Variants in LIN7A observed in about 807,000 individuals in gnomAD.
The protein encoded by LIN7A is lin-7 cell polarity scaffold A.
LIN7A carries 25 observed loss-of-function variants against 29.8 expected under a neutral mutation model. That is an observed-to-expected ratio of 0.84 (90% CI 0.61 to 1.17). LIN7A has a LOEUF of 1.17. LIN7A is among the 50% of genes most tolerant of loss of function. The pLI, the probability that LIN7A is intolerant of heterozygous loss-of-function variation, is 0.00. For synonymous variants in LIN7A, 118 were observed against 107.5 expected, an observed-to-expected ratio of 1.10 and a Z score of -0.60; for missense variants, 239 against 287.0, an observed-to-expected ratio of 0.83 and a Z score of 1.21.
chr12:80,895,517 C>T (rs986673327), intron 1 of LIN7A, among the ~76,000 whole-genome samples: 1 of 152,182 alleles, frequency 6.6e-6, no homozygotes, highest in Non-Finnish European at 1.5e-5. Flanking sequence ...GTTGAGCACT[C>T]AAGCTAACAA....
chr12:80,889,124 T>G, intron 2 of LIN7A, 127 bp downstream of exon 2: 1 of 682,704 alleles, frequency 1.5e-6, no homozygotes, highest in Non-Finnish European at 2.6e-6. Context: ...TCTGTCCAAG[T>G]AGCTAAAAAC....
At chr12:80,907,508 G>T (rs1194348906) in intron 1 of LIN7A, among the ~76,000 whole-genome samples, 1 of 152,088 alleles carries the variant, frequency 6.6e-6, no homozygotes, top group Non-Finnish European at 1.5e-5. Context: ...TGAAATTTTT[G>T]AAATTTGTTT....
intron 1 of LIN7A, among the ~76,000 whole-genome samples, chr12:80,931,696 A>C (rs575697245): frequency 2.2e-4 from 33 of 152,280 alleles, no homozygotes; most frequent in Non-Finnish European, 4.6e-4. Context: ...ATATAGTGTG[A>C]AAGGAAACAC....
intron 1 of LIN7A, among the ~76,000 whole-genome samples, chr12:80,896,164 T>C (rs1875882784): frequency 6.6e-6 from 1 of 152,130 alleles, no homozygotes; most frequent in African/African-American, 2.4e-5. Flanking sequence ...ACTGGAAATG[T>C]CAGCCATGTA....
At chr12:80,874,723 C>T (rs1389280649) in intron 2 of LIN7A, among the ~76,000 whole-genome samples, 1 of 152,158 alleles carries the variant, frequency 6.6e-6, no homozygotes, top group African/African-American at 2.4e-5. Context: ...GTGGCTCACG[C>T]CTGTAATCCC....
intron 4 of LIN7A, among the ~76,000 whole-genome samples, chr12:80,841,347 GGAAGGAA>G (rs1872800480): frequency 2.0e-3 from 3 of 1,514 alleles, no homozygotes; most frequent in Admixed American, 8.2e-3. Context: ...AGGGAGGGAA[GGAAGGAA>G]GGAAGGAAGG....
intron 1 of LIN7A, among the ~76,000 whole-genome samples, chr12:80,899,698 C>T (rs1372838916): frequency 6.6e-6 from 1 of 151,280 alleles, no homozygotes; most frequent in African/African-American, 2.4e-5. Flanking sequence ...CAGTTTCTTC[C>T]TGGCTCAATC....
rs1340913413 is a variant in LIN7A, at chr12:80,865,752, G to A, written c.202-17430C>T. On this transcript the variant is annotated intron_variant, in intron 2 of 5. Coordinates refer to ENST00000552864, the MANE Select transcript of LIN7A (RefSeq NM_004664.4). ...AGACATTGCTATGTGATCTGGAGAGGTAGATGATGATAAGTTCCCTTCCTC... is the reference window on the plus strand; with the variant it reads ...AGACATTGCTATGTGATCTGGAGAGATAGATGATGATAAGTTCCCTTCCTC... 3.9e-5 allele frequency among the ~76,000 whole-genome samples: 6 copies of A among 152,172 alleles called. 1 individual carries two copies. Among genetic ancestry groups the A allele is most frequent in the Non-Finnish European group, 8.8e-5 (6 of 68,024 alleles).
At chr12:80,870,193 CATT>C (rs960064936) in intron 2 of LIN7A, among the ~76,000 whole-genome samples, 1 of 152,048 alleles carries the variant, frequency 6.6e-6, no homozygotes, top group African/African-American at 2.4e-5. Context: ...CTTGTTCCAT[CATT>C]ATCACAATTA....
intron 5 of LIN7A, among the ~76,000 whole-genome samples, chr12:80,810,064 G>A (rs1161649507): frequency 6.6e-6 from 1 of 152,148 alleles, no homozygotes. Context: ...ATGCAATGTA[G>A]TATTATTAAC....
chr12:80,811,375 A>C (rs1157708773), intron 5 of LIN7A, 90 bp downstream of exon 5: 4 of 521,994 alleles, frequency 7.7e-6, no homozygotes, highest in Non-Finnish European at 1.4e-5. Flanking sequence ...GAACATATCT[A>C]AAATATATTT....
At chr12:80,852,452 T>G (rs1201278009) in intron 2 of LIN7A, among the ~76,000 whole-genome samples, 2 of 152,164 alleles carry the variant, frequency 1.3e-5, no homozygotes, top group Non-Finnish European at 2.9e-5. Flanking sequence ...ACCTACTATC[T>G]GTGTACCTTA....
chr12:80,924,090 A>C lies in LIN7A; in HGVS notation c.82+13551T>G, dbSNP rs147606760. 1.9e-3 allele frequency among the ~76,000 whole-genome samples: 293 copies of C among 152,266 alleles called. 3 individuals carry two copies. Among genetic ancestry groups the C allele is most frequent in the African/African-American group, 6.7e-3 (280 of 41,560 alleles). On this transcript the variant is annotated intron_variant, in intron 1 of 5. Transcript: ENST00000552864. ...GTTATTCTAAATTATCTGCATAATA[A>C]CTGTCTTCTTCCCTAGAATATTAGC...
intron 2 of LIN7A, among the ~76,000 whole-genome samples, chr12:80,887,702 T>C (rs1442605989): frequency 6.6e-6 from 1 of 152,118 alleles, no homozygotes; most frequent in East Asian, 1.9e-4. Context: ...GATATTGTAT[T>C]GTATATTTAT....
chr12:80,874,887 G>A (rs982083450), intron 2 of LIN7A, among the ~76,000 whole-genome samples: 3 of 152,150 alleles, frequency 2.0e-5, no homozygotes, highest in African/African-American at 7.2e-5. Context: ...AGGGAGCTGA[G>A]GTACTCGGGA....
rs148344921 is a variant in LIN7A at position 80,884,164 on chromosome 12, C to A, written c.201+5087G>T. Among the ~76,000 whole-genome samples, 1,414 of 152,190 alleles carry A rather than the reference C, an allele frequency of 9.3e-3. 15 individuals carry two copies. The highest frequency in any genetic ancestry group is 0.012 in the Admixed American group (180 of 15,284). ...TGGCTATAGGTACTTATATTGGTTA[C>A]AAATTTCATATAAGTTTTCAAAGAT... On this transcript the variant is annotated intron_variant, in intron 2 of 5. Transcript: ENST00000552864.
At chr12:80,853,340 AAAAAG>A (rs1043427349) in intron 2 of LIN7A, among the ~76,000 whole-genome samples, 22 of 122,622 alleles carry the variant, frequency 1.8e-4, no homozygotes, top group Admixed American at 6.4e-4. Context: ...TAGTTAAAAA[AAAAAG>A]AAACTCTTTG....
intron 1 of LIN7A, among the ~76,000 whole-genome samples, chr12:80,918,827 T>TAAC (rs35995844): frequency 0.067 from 10,181 of 152,252 alleles, 359 homozygotes; most frequent in Middle Eastern, 0.088. Flanking sequence ...ATGGACTACA[T>TAAC]AACATTTCAG....
chr12:80,914,119 TC>T (rs1876910268), intron 1 of LIN7A, among the ~76,000 whole-genome samples: 1 of 152,186 alleles, frequency 6.6e-6, no homozygotes, highest in African/African-American at 2.4e-5. Context: ...AAGATCTCTT[TC>T]TTCCTTTCAT....
Sources: allele counts gnomAD v4.1 joint callset (sites outside exome capture counted in the v4.1 genomes callset), GRCh38; gene constraint gnomAD v4.1.1; transcripts MANE v1.5; gene names NCBI Gene and HGNC (gene_info 2026-07-23, HGNC 2026-07-21).